Variants in CAMSAP1 observed in about 807,000 individuals in gnomAD.
CAMSAP1 encodes the protein calmodulin-regulated spectrin-associated protein 1.
CAMSAP1 carries 58 observed loss-of-function variants against 143.5 expected under a neutral mutation model. The observed-to-expected ratio is 0.40, with a 90% CI of 0.33 to 0.50. The LOEUF is 0.50. CAMSAP1 is among the 20% of genes least tolerant of loss of function. The pLI, the probability that CAMSAP1 is intolerant of heterozygous loss-of-function variation, is 0.45. For synonymous variants in CAMSAP1, 945 were observed against 859.3 expected (o/e 1.10, Z -1.74); for missense variants, 1,969 against 2,115.7 (o/e 0.93, Z 1.36).
At chr9:135,900,962 C>T (rs2131028612) in intron 1 of CAMSAP1, among the ~76,000 whole-genome samples, 1 of 152,114 alleles carries the variant, frequency 6.6e-6, no homozygotes, top group Middle Eastern at 3.4e-3. Flanking sequence ...CCATGTTGGC[C>T]GGGCTGGTCT....
At chr9:135,837,939 ACAT>A (rs926891340) in intron 7 of CAMSAP1, among the ~76,000 whole-genome samples, 56 of 148,150 alleles carry the variant, frequency 3.8e-4, no homozygotes, top group East Asian at 1.2e-3. Flanking sequence ...CTACAGACAC[ACAT>A]CATCACACGC....
Position 135,826,066 on chromosome 9 carries a change from G to A in CAMSAP1, c.1224-1186C>T, listed in dbSNP as rs1029370764. 1 of 152,318 alleles carries A rather than the reference G, an allele frequency of 6.6e-6. No homozygotes were observed. The highest frequency in any genetic ancestry group is 1.5e-5 in the Non-Finnish European group (1 of 68,108). 9.4% of individuals were successfully genotyped at this position (152,318 alleles called of 1,614,324 possible). Reference sequence around the variant, plus strand: ...ATCACGGCACGCCCATGACGTGACAGACTGGGTAGCTGTTGAAACTGTGGC... The same window carrying A: ...ATCACGGCACGCCCATGACGTGACAAACTGGGTAGCTGTTGAAACTGTGGC... On this transcript the variant is annotated intron_variant, in intron 8 of 16. Coordinates refer to ENST00000389532, the MANE Select transcript of CAMSAP1 (RefSeq NM_015447.4). The surrounding 1 kb of genome is among the most constrained non-coding windows in gnomAD (Gnocchi z 4.4).
At chr9:135,864,616 A>C (rs1837310729) in intron 4 of CAMSAP1, among the ~76,000 whole-genome samples, 1 of 152,220 alleles carries the variant, frequency 6.6e-6, no homozygotes, top group Non-Finnish European at 1.5e-5. Flanking sequence ...GCCTGGTAAC[A>C]AACTGGCTCC....
intron 7 of CAMSAP1, among the ~76,000 whole-genome samples, chr9:135,848,550 C>A (rs1349905561): frequency 2.0e-5 from 3 of 152,116 alleles, no homozygotes; most frequent in Non-Finnish European, 4.4e-5. Flanking sequence ...CACGCATGCA[C>A]ACACATACAC....
intron 3 of CAMSAP1, among the ~76,000 whole-genome samples, chr9:135,876,049 T>C (rs1216808357): frequency 2.0e-5 from 3 of 152,122 alleles, no homozygotes; most frequent in Non-Finnish European, 4.4e-5. Flanking sequence ...TCCACCTCCC[T>C]GGTTCAAGTG....
At chr9:135,895,581 C>T (rs760132331) in intron 1 of CAMSAP1, among the ~76,000 whole-genome samples, 1 of 152,054 alleles carries the variant, frequency 6.6e-6, no homozygotes, top group Non-Finnish European at 1.5e-5. Context: ...AGGAAGCTGT[C>T]CAAAGAGCAA....
At chr9:135,897,037 T>A (rs1470155349) in intron 1 of CAMSAP1, among the ~76,000 whole-genome samples, 1 of 152,158 alleles carries the variant, frequency 6.6e-6, no homozygotes, top group Non-Finnish European at 1.5e-5. Context: ...TTTCTGTCAT[T>A]TATAAATTAC....
At chr9:135,840,521 G>A (rs1836303128) in intron 7 of CAMSAP1, among the ~76,000 whole-genome samples, 1 of 152,202 alleles carries the variant, frequency 6.6e-6, no homozygotes, top group South Asian at 2.1e-4. Flanking sequence ...GGAAAAACAA[G>A]ACTTCCTTCT....
At chr9:135,873,630 T>C (rs1331885023) in intron 3 of CAMSAP1, among the ~76,000 whole-genome samples, 3 of 151,592 alleles carry the variant, frequency 2.0e-5, no homozygotes, top group Non-Finnish European at 4.4e-5. Flanking sequence ...AAAAGGAAAA[T>C]AAAGAAATAT....
chr9:135,834,460 T>C (rs776817291), intron 7 of CAMSAP1, among the ~76,000 whole-genome samples: 6 of 152,210 alleles, frequency 3.9e-5, no homozygotes, highest in African/African-American at 7.2e-5. Context: ...AATGGAATAT[T>C]ACTCAACCTC....
In CAMSAP1 at chr9:135,824,982, T is replaced by G. The variant is rs1835621681; in HGVS notation, c.1224-102A>C. 2.2e-6 allele frequency: 2 copies of G among 924,452 alleles called. No homozygotes were observed. The highest frequency in any genetic ancestry group is 3.2e-6 in the Non-Finnish European group (2 of 619,748). 57.3% of individuals were successfully genotyped at this position (924,452 alleles called of 1,614,324 possible). A position where few individuals can be genotyped will look rare whatever the true frequency, so the allele number is the denominator to read the frequency against. On this transcript the variant is annotated intron_variant, in intron 8 of 16. Transcript: ENST00000389532. The surrounding 1 kb of genome is among the most constrained non-coding windows in gnomAD (Gnocchi z 4.1). The stretch of plus-strand genomic sequence containing the variant: ...AGGACCATCCTGAATTCACACCAAG[T>G]TTTGAGAAACTCGGACTGTTTGGGA...
chr9:135,840,114 A>G (rs190546247), intron 7 of CAMSAP1, among the ~76,000 whole-genome samples: 2 of 152,192 alleles, frequency 1.3e-5, no homozygotes, highest in African/African-American at 4.8e-5. Context: ...AAGGGCCAGC[A>G]GTTCACTTTT....
At chr9:135,855,857 C>T (rs914935106) in intron 5 of CAMSAP1, among the ~76,000 whole-genome samples, 3 of 151,836 alleles carry the variant, frequency 2.0e-5, no homozygotes, top group Non-Finnish European at 4.4e-5. Context: ...TCAAGACCAT[C>T]CTGGCTAACA....
At chr9:135,861,309 CTTT>C (rs35820753) in intron 5 of CAMSAP1, among the ~76,000 whole-genome samples, 6 of 144,414 alleles carry the variant, frequency 4.2e-5, no homozygotes, top group African/African-American at 7.7e-5. Context: ...CTCCTTCTTC[CTTT>C]TTTTTTTTTT....
intron 1 of CAMSAP1, among the ~76,000 whole-genome samples, chr9:135,904,237 C>T (rs1256999494): frequency 2.6e-5 from 4 of 151,948 alleles, no homozygotes; most frequent in East Asian, 3.9e-4. Context: ...CCCATCTCTA[C>T]AAAAAATACA....
At chr9:135,876,021 T>A (rs1837736887) in intron 3 of CAMSAP1, among the ~76,000 whole-genome samples, 1 of 152,236 alleles carries the variant, frequency 6.6e-6, no homozygotes, top group Non-Finnish European at 1.5e-5. Flanking sequence ...AGTGGCATGA[T>A]CTCAGCTCAC....
In CAMSAP1 at chr9:135,811,726, C is replaced by G; in HGVS notation, c.4507-115G>C. The G allele has an allele frequency of 1.1e-6, 1 of 935,478 alleles. No individual in the cohort carries two copies. The highest frequency in any genetic ancestry group is 2.6e-5 in the East Asian group (1 of 37,992). The allele number at this position is 935,478 out of a possible 1,614,324, so 57.9% of individuals were successfully genotyped here. A position where few individuals can be genotyped will look rare whatever the true frequency, so the allele number is the denominator to read the frequency against. On this transcript the variant is annotated intron_variant, in intron 16 of 16. Coordinates refer to ENST00000389532, the MANE Select transcript of CAMSAP1 (RefSeq NM_015447.4). The surrounding 1 kb of genome is among the most constrained non-coding windows in gnomAD (Gnocchi z 4.9). ...CCGCTCCGTGGGAAGCTCTCCCACCCGTCAGCTACGGCCTGCCTGTTGTAA... is the reference window on the plus strand; with the variant it reads ...CCGCTCCGTGGGAAGCTCTCCCACCGGTCAGCTACGGCCTGCCTGTTGTAA...
intron 7 of CAMSAP1, among the ~76,000 whole-genome samples, chr9:135,837,615 T>C (rs533412680): frequency 9.9e-4 from 149 of 150,910 alleles, no homozygotes; most frequent in African/African-American, 3.2e-3. Context: ...TTCTGCCTGT[T>C]GTACAGACAC....
intron 7 of CAMSAP1, among the ~76,000 whole-genome samples, chr9:135,840,704 G>A (rs1017355762): frequency 2.6e-5 from 4 of 152,190 alleles, no homozygotes; most frequent in African/African-American, 7.2e-5. Context: ...GACAGTGGGT[G>A]CAGCCCACAG....
Sources: allele counts gnomAD v4.1 joint callset (sites outside exome capture counted in the v4.1 genomes callset), GRCh38; gene constraint gnomAD v4.1.1; non-coding constraint Gnocchi (gnomAD v3.1); transcripts MANE v1.5; gene names NCBI Gene and HGNC (gene_info 2026-07-23, HGNC 2026-07-21).